The following SORCS3 variants were observed in gnomAD, a reference collection of about 807,000 sequenced individuals.
SORCS3 encodes the protein VPS10 domain-containing receptor SorCS3.
Under a neutral mutation model 146.3 loss-of-function variants are expected in SORCS3, and 57 were observed. That is an observed-to-expected ratio of 0.39 (90% confidence interval 0.31 to 0.49). The LOEUF is 0.49. Ranked by LOEUF, SORCS3 falls within the 20% of genes least tolerant of loss-of-function variation. The probability of loss-of-function intolerance (pLI) is 0.92; values close to 1 mark genes in which losing one functional copy is unlikely to be tolerated. For synonymous variants in SORCS3, 653 were observed against 618.5 expected, an observed-to-expected ratio of 1.06 and a Z score of -0.83; for missense variants, 1,341 against 1,575.5, an observed-to-expected ratio of 0.85 and a Z score of 2.52.
At chr10:104,879,150 A>T (rs2018606561) in intron 2 of SORCS3, among the ~76,000 whole-genome samples, 1 of 152,234 alleles carries the variant, frequency 6.6e-6, no homozygotes, top group South Asian at 2.1e-4. Context: ...ACCAACATGT[A>T]GTGGCATAAA....
chr10:105,140,332 C>A (rs189745305), intron 8 of SORCS3, among the ~76,000 whole-genome samples: 1 of 148,556 alleles, frequency 6.7e-6, no homozygotes, highest in Admixed American at 6.9e-5. Flanking sequence ...TTTATGCATG[C>A]GTGTATTCAT....
intron 3 of SORCS3, among the ~76,000 whole-genome samples, chr10:104,917,511 C>G (rs1275739460): frequency 1.3e-5 from 2 of 152,132 alleles, no homozygotes; most frequent in Admixed American, 1.3e-4. Context: ...AATATCTACT[C>G]TTATCATTTT....
intron 4 of SORCS3, among the ~76,000 whole-genome samples, chr10:105,018,893 C>T (rs1340055): frequency 2.0e-5 from 3 of 152,258 alleles, no homozygotes; most frequent in South Asian, 2.1e-4. Context: ...CTGCCAAACT[C>T]CAATCTGATT....
intron 2 of SORCS3, among the ~76,000 whole-genome samples, chr10:104,875,969 C>T (rs1327901694): frequency 6.6e-6 from 1 of 152,060 alleles, no homozygotes; most frequent in African/African-American, 2.4e-5. Flanking sequence ...AAACATAAAC[C>T]CACAGGCTCT....
At chr10:105,125,656 A>G (rs188852728) in intron 7 of SORCS3, among the ~76,000 whole-genome samples, 195 of 121,590 alleles carry the variant, frequency 1.6e-3, no homozygotes, top group African/African-American at 5.3e-3. Context: ...TGCTTAAAAC[A>G]TGCATGTTGC....
intron 3 of SORCS3, among the ~76,000 whole-genome samples, chr10:104,927,740 T>C (rs1015553868): frequency 6.6e-6 from 1 of 151,678 alleles, no homozygotes; most frequent in African/African-American, 2.4e-5. Flanking sequence ...TAGCCAGGCG[T>C]GGTGGCGGGT....
In SORCS3 at chr10:105,178,086, A is replaced by T. The variant is rs757477438; in HGVS notation, c.1922A>T (p.His641Leu). ...CACAGGGTGAGTTTTGATGAGGGCCACTCTTGGGACAAGTATGGTTTCACT... is the reference window on the plus strand; with the variant it reads ...CACAGGGTGAGTTTTGATGAGGGCCTCTCTTGGGACAAGTATGGTTTCACT... ...RHLWVSFDEG[H>L]SWDKYGFTSV... The change falls in exon 14 of 27, where the codon CAC becomes CTC. Residue 641 changes from histidine to leucine, a missense_variant. Coordinates refer to ENST00000369701, the MANE Select transcript of SORCS3 (RefSeq NM_014978.3). The T allele has an allele frequency of 1.2e-6, 2 of 1,613,174 alleles. No homozygotes were observed. Among genetic ancestry groups the T allele is most frequent in the Non-Finnish European group, 1.7e-6 (2 of 1,179,598 alleles).
At chr10:105,119,781 C>A (rs1387533527) in intron 7 of SORCS3, among the ~76,000 whole-genome samples, 1 of 152,092 alleles carries the variant, frequency 6.6e-6, no homozygotes, top group African/African-American at 2.4e-5. Context: ...GTGTATTTAC[C>A]CAATGCCTAT....
chr10:104,791,317 T>C (rs911554647), intron 1 of SORCS3, among the ~76,000 whole-genome samples: 2 of 152,188 alleles, frequency 1.3e-5, no homozygotes, highest in African/African-American at 4.8e-5. Flanking sequence ...AGTTGAAACT[T>C]AGCTTAAGTC....
At chr10:105,239,916 C>T (rs2056813272) in intron 20 of SORCS3, among the ~76,000 whole-genome samples, 1 of 152,220 alleles carries the variant, frequency 6.6e-6, no homozygotes, top group Non-Finnish European at 1.5e-5. Flanking sequence ...GCTGCCATAA[C>T]AGCTGATGAG....
intron 3 of SORCS3, among the ~76,000 whole-genome samples, chr10:104,967,862 A>G (rs2054835116): frequency 6.6e-6 from 1 of 151,362 alleles, no homozygotes; most frequent in African/African-American, 2.4e-5. Flanking sequence ...GTTTCACCAA[A>G]TTGCCTAGGC....
intron 4 of SORCS3, among the ~76,000 whole-genome samples, chr10:104,987,063 T>A (rs1331790766): frequency 6.6e-6 from 1 of 152,114 alleles, no homozygotes; most frequent in Non-Finnish European, 1.5e-5. Flanking sequence ...TGTATGCCTG[T>A]ACGCATTACA....
intron 23 of SORCS3, among the ~76,000 whole-genome samples, 160 bp downstream of exon 23, chr10:105,253,066 C>T (rs1366542874): frequency 1.3e-5 from 2 of 152,080 alleles, no homozygotes; most frequent in Non-Finnish European, 2.9e-5. Context: ...AATACAGGTG[C>T]AAATAGACTG....
chr10:104,814,856 T>C (rs372145844), intron 1 of SORCS3, among the ~76,000 whole-genome samples: 51 of 152,328 alleles, frequency 3.3e-4, no homozygotes, highest in African/African-American at 1.0e-3. Context: ...TCAGCTCCCA[T>C]TTTTAAGTCT....
At chr10:104,898,992 A>T (rs1170091449) in intron 2 of SORCS3, among the ~76,000 whole-genome samples, 1 of 152,074 alleles carries the variant, frequency 6.6e-6, no homozygotes, top group African/African-American at 2.4e-5. Context: ...CCATTCCTAC[A>T]CTCACTTTAT....
intron 2 of SORCS3, among the ~76,000 whole-genome samples, chr10:104,874,291 A>G (rs960496602): frequency 5.3e-5 from 8 of 152,172 alleles, no homozygotes; most frequent in Admixed American, 6.5e-5. Context: ...ATAAGAAGAC[A>G]TGTCCATTCC....
At chr10:104,911,271 C>T (rs1428194127) in intron 2 of SORCS3, among the ~76,000 whole-genome samples, 2 of 152,218 alleles carry the variant, frequency 1.3e-5, no homozygotes, top group Non-Finnish European at 2.9e-5. Context: ...GGCTCCCAGG[C>T]TCCCTGAGGT....
chr10:104,728,941 C>T (rs1257356481), intron 1 of SORCS3, among the ~76,000 whole-genome samples: 1 of 152,194 alleles, frequency 6.6e-6, no homozygotes, highest in African/African-American at 2.4e-5. Flanking sequence ...TCAACAATTA[C>T]ATCCCAGGCC....
intron 3 of SORCS3, among the ~76,000 whole-genome samples, chr10:104,947,181 A>G (rs1033749920): frequency 1.3e-5 from 2 of 152,020 alleles, no homozygotes; most frequent in Admixed American, 6.5e-5. Flanking sequence ...GAGCTCTTCC[A>G]TTTCTCCTTC....
Sources: gnomAD v4.1 joint callset for allele counts (sites outside exome capture counted in the v4.1 genomes callset) on GRCh38, gnomAD v4.1.1 for gene constraint, MANE v1.5 for transcripts, NCBI Gene and HGNC (gene_info 2026-07-23, HGNC 2026-07-21) for gene names.